Variants in MED14 observed in about 807,000 individuals in gnomAD.
MED14 encodes mediator of RNA polymerase II transcription subunit 14.
MED14 carries 8 observed loss-of-function variants against 109.0 expected under a neutral mutation model. The ratio of observed to expected loss-of-function variants is 0.07; its 90% CI spans 0.04 to 0.13. MED14 has a LOEUF of 0.13. Among genes scored for constraint, MED14 ranks in the 10% least tolerant of loss-of-function variants. The pLI, the probability that MED14 is intolerant of heterozygous loss-of-function variation, is 1.00. For missense variants in MED14, 711 were observed against 1,142.4 expected (o/e 0.62, Z 5.44); for synonymous variants, 399 against 408.7 (o/e 0.98, Z 0.29).
At chrX:40,677,554 A>C (rs1181592264) in intron 21 of MED14, among the ~76,000 whole-genome samples, 1 of 112,184 alleles carries the variant, frequency 8.9e-6, no homozygotes, top group Non-Finnish European at 1.9e-5. Flanking sequence ...ATAAACATTT[A>C]GAAACAAAAA....
chrX:40,650,187 G>C lies in MED14; in HGVS notation c.*1619C>G, dbSNP rs1220450196. 2 of 753,996 alleles carry C rather than the reference G, an allele frequency of 2.7e-6. No homozygotes were observed. The highest frequency in any genetic ancestry group is 3.1e-6 in the Non-Finnish European group (2 of 639,081). The allele number at this position is 753,996 out of a possible 1,213,427, so 62.1% of individuals were successfully genotyped here. On this transcript the variant is annotated 3_prime_UTR_variant, in exon 31 of 31. Transcript: ENST00000324817. ...AAAAACAGAAGGATAAAAAGATTAA[G>C]TTAAAGGAAGGATAAAAGTTTAGTC...
At chrX:40,665,231 CA>C (rs1278209624) in intron 24 of MED14, among the ~76,000 whole-genome samples, 1 of 111,394 alleles carries the variant, frequency 9.0e-6, no homozygotes, top group Non-Finnish European at 1.9e-5. Context: ...AAATAAGAAA[CA>C]CCAAAGACCG....
At chrX:40,693,888 C>A (rs1930629038) in intron 13 of MED14, among the ~76,000 whole-genome samples, 1 of 110,886 alleles carries the variant, frequency 9.0e-6, no homozygotes, top group Non-Finnish European at 1.9e-5. Context: ...TTCCTAATAA[C>A]CCTGTGAAGT....
intron 3 of MED14, among the ~76,000 whole-genome samples, chrX:40,720,170 G>A (rs1471969018): frequency 1.8e-5 from 2 of 112,216 alleles, no homozygotes; most frequent in Non-Finnish European, 3.8e-5. Flanking sequence ...CCAGGAACAC[G>A]AAATTTTTAC....
At chrX:40,663,983 T>C (rs1929384943) in intron 25 of MED14, among the ~76,000 whole-genome samples, 1 of 110,869 alleles carries the variant, frequency 9.0e-6, no homozygotes, top group African/African-American at 3.3e-5. Flanking sequence ...ACGGCACAAT[T>C]AGAGGGTTGG....
chrX:40,676,085 C>A (rs12012206), intron 21 of MED14, among the ~76,000 whole-genome samples: 22,186 of 111,096 alleles, frequency 0.2, 1,743 homozygotes, highest in African/African-American at 0.29. Context: ...CCTTGCGAGA[C>A]CAACCTGGGC....
At chrX:40,710,404 T>A (rs944929776) in intron 8 of MED14, among the ~76,000 whole-genome samples, 1 of 112,108 alleles carries the variant, frequency 8.9e-6, no homozygotes, top group African/African-American at 3.2e-5. Flanking sequence ...CTAAGTAGTA[T>A]CTACTCACCT....
chrX:40,651,325 A>G lies in MED14; in HGVS notation c.*481T>C, dbSNP rs1282074012. The G allele has an allele frequency of 2.7e-6, 2 of 750,810 alleles. No homozygotes were observed. Among genetic ancestry groups the G allele is most frequent in the African/African-American group, 4.6e-5 (2 of 43,114 alleles). 61.9% of individuals were successfully genotyped at this position (750,810 alleles called of 1,213,427 possible). ...AATATTGCTTCCTTGGGGTGTGTTT[A>G]TAACAACTCCCAGAACATTTCATGT... On this transcript the variant is annotated 3_prime_UTR_variant, in exon 31 of 31. Transcript: ENST00000324817.
chrX:40,701,755 A>G (rs1468207402), intron 11 of MED14, among the ~76,000 whole-genome samples: 1 of 111,985 alleles, frequency 8.9e-6, no homozygotes, highest in Non-Finnish European at 1.9e-5. Flanking sequence ...AGAAAATGCT[A>G]GTAAACAGAA....
intron 3 of MED14, among the ~76,000 whole-genome samples, chrX:40,718,658 A>AC (rs749343453): frequency 1.8e-5 from 2 of 110,779 alleles, no homozygotes; most frequent in Non-Finnish European, 3.8e-5. Context: ...ACCAAGTAAG[A>AC]CCCCATCTCT....
chrX:40,670,742 T>C (rs1929694463), intron 23 of MED14, among the ~76,000 whole-genome samples: 1 of 102,143 alleles, frequency 9.8e-6, no homozygotes, highest in Admixed American at 1.1e-4. Context: ...CAGTCCGGCC[T>C]GGGCGACAGA....
At chrX:40,714,995 T>G (rs189334749) in intron 3 of MED14, 3 of 220,840 alleles carry the variant, frequency 1.4e-5, no homozygotes, top group Non-Finnish European at 2.4e-5. Flanking sequence ...TTAGGAAAAA[T>G]AAGTAGAATA....
chrX:40,674,215 C>T (rs1010448980), intron 22 of MED14, among the ~76,000 whole-genome samples: 12 of 111,647 alleles, frequency 1.1e-4, no homozygotes, highest in South Asian at 3.8e-4. Context: ...CAGAGACATT[C>T]GCATAGGCCT....
At position 40,650,239 on chromosome X, in the gene MED14, G is replaced by C. The variant is rs181399811; in HGVS notation, c.*1567C>G. On this transcript the variant is annotated 3_prime_UTR_variant, in exon 31 of 31. Transcript: ENST00000324817. ...ACTGCTCCTGAACAGTGGCAGAGTT[G>C]GGTGAGAAGTGGGAGATGAAGGCAG... is the stretch of plus-strand genomic sequence containing the variant. The C allele has an allele frequency of 3.8e-4, 283 of 752,189 alleles. No homozygotes were observed. Among genetic ancestry groups the C allele is most frequent in the Non-Finnish European group, 4.3e-4 (272 of 638,547 alleles). 62.0% of individuals were successfully genotyped at this position (752,189 alleles called of 1,213,427 possible).
At chrX:40,732,606 CTT>C (rs771941159) in intron 1 of MED14, among the ~76,000 whole-genome samples, 1 of 109,202 alleles carries the variant, frequency 9.2e-6, no homozygotes, top group South Asian at 3.9e-4. Context: ...TAGTGAGACT[CTT>C]GTCTCTACCA....
chrX:40,692,043 G>A, intron 15 of MED14, 140 bp downstream of exon 15: 1 of 478,589 alleles, frequency 2.1e-6, no homozygotes, highest in Non-Finnish European at 3.4e-6. Flanking sequence ...TGCTATGATT[G>A]TAACCCTACC....
At chrX:40,680,584 AATTTTTGT>A (rs763255348) in intron 20 of MED14, among the ~76,000 whole-genome samples, 166 bp downstream of exon 20, 12 of 110,896 alleles carry the variant, frequency 1.1e-4, no homozygotes, top group Non-Finnish European at 1.9e-4. Context: ...ACAACTGACT[AATTTTTGT>A]ATTTTTGTAG....
chrX:40,675,475 G>A (rs1029768288), intron 21 of MED14, 114 bp from the exon 22 acceptor site: 5 of 506,141 alleles, frequency 9.9e-6, no homozygotes, highest in Non-Finnish European at 1.4e-5. Flanking sequence ...CTTGAAGATC[G>A]TTACTAGGAC....
At position 40,694,477 on chromosome X, in the gene MED14, G is replaced by C. The variant is rs76223470; in HGVS notation, c.1651-1575C>G. Among the ~76,000 whole-genome samples the C allele has an allele frequency of 7.2e-5, 8 of 110,762 alleles. No individual in the cohort carries two copies. The East Asian group carries it at 1.7e-3, about 23-fold the overall frequency. ...TCTCTTCCTGCTTCCTTTCTCCCTT[G>C]CTCCCCCTCCTCCCCACACATACTC... On this transcript the variant is annotated intron_variant, in intron 13 of 30. Coordinates refer to ENST00000324817, the MANE Select transcript of MED14 (RefSeq NM_004229.4).
Sources: allele counts gnomAD v4.1 joint callset (sites outside exome capture counted in the v4.1 genomes callset), GRCh38; gene constraint gnomAD v4.1.1; transcripts MANE v1.5; gene names NCBI Gene and HGNC (gene_info 2026-07-23, HGNC 2026-07-21).